MTSS1: variants seen among roughly 807,000 people sequenced by gnomAD.
The protein encoded by MTSS1 is protein MTSS 1.
Under a neutral mutation model 79.0 loss-of-function variants are expected in MTSS1, and 18 were observed. The ratio of observed to expected loss-of-function variants is 0.23; its 90% CI spans 0.16 to 0.34. The LOEUF (loss-of-function observed/expected upper bound fraction) is 0.34, where lower values mean the gene tolerates loss of function less well. Among genes scored for constraint, MTSS1 ranks in the 10% least tolerant of loss-of-function variants. The pLI is 1.00. For missense variants in MTSS1, 815 were observed against 986.2 expected, an observed-to-expected ratio of 0.83 and a Z score of 2.33; for synonymous variants, 341 against 368.6, an observed-to-expected ratio of 0.93 and a Z score of 0.86.
At chr8:124,600,796 C>T (rs1833653641) in intron 3 of MTSS1, among the ~76,000 whole-genome samples, 1 of 152,238 alleles carries the variant, frequency 6.6e-6, no homozygotes, top group South Asian at 2.1e-4. Flanking sequence ...ATTATTCCTT[C>T]TTCCCAAACA....
intron 3 of MTSS1, among the ~76,000 whole-genome samples, chr8:124,625,143 T>C (rs952297864): frequency 6.6e-6 from 1 of 152,152 alleles, no homozygotes; most frequent in Non-Finnish European, 1.5e-5. Context: ...TGCAAATGAT[T>C]GTCATCCTCG....
intron 3 of MTSS1, among the ~76,000 whole-genome samples, chr8:124,662,450 T>C (rs570114036): frequency 6.6e-6 from 1 of 152,252 alleles, no homozygotes; most frequent in East Asian, 1.9e-4. Context: ...GAGGCCTCAG[T>C]CTCTGCCACC....
At chr8:124,554,541 A>G (rs2131710352) in intron 13 of MTSS1, among the ~76,000 whole-genome samples, 1 of 152,338 alleles carries the variant, frequency 6.6e-6, no homozygotes, top group African/African-American at 2.4e-5. Flanking sequence ...GTCAATTATC[A>G]TAGATATATT....
chr8:124,685,132 A>C (rs1461522950), intron 3 of MTSS1, among the ~76,000 whole-genome samples: 1 of 151,770 alleles, frequency 6.6e-6, no homozygotes, highest in African/African-American at 2.4e-5. Context: ...GTATATTCAC[A>C]TTGTTAATGT....
intron 3 of MTSS1, among the ~76,000 whole-genome samples, chr8:124,646,231 C>A (rs1374843680): frequency 1.3e-5 from 2 of 152,126 alleles, no homozygotes; most frequent in South Asian, 2.1e-4. Context: ...GGATTATAAG[C>A]CTTAGTCTTT....
chr8:124,591,201 C>G lies in MTSS1; in HGVS notation c.243G>C (p.Arg81Ser). The change falls in exon 4 of 14, where the codon AGG (arginine) becomes AGC (serine). Residue 81 changes from arginine (R) to serine (S), a missense_variant. Coordinates refer to ENST00000518547, the MANE Select transcript of MTSS1 (RefSeq NM_014751.6). The stretch of plus-strand genomic sequence containing the variant: ...CAATGCTTCTGTGCCTCATGCACAT[C>G]CTGGTGAGAGCAGATCCAATCTCCC... ...GTREIGSALT[R>S]MCMRHRSIEA... is the part of the protein sequence containing the mutation. 6.2e-7 allele frequency: 1 copy of G among 1,614,238 alleles called. No individual in the cohort carries two copies. The highest frequency in any genetic ancestry group is 8.5e-7 in the Non-Finnish European group (1 of 1,180,044).
chr8:124,566,873 T>G (rs186989618), intron 8 of MTSS1, among the ~76,000 whole-genome samples, 198 bp downstream of exon 8: 67 of 152,326 alleles, frequency 4.4e-4, no homozygotes, highest in African/African-American at 1.4e-3. Flanking sequence ...TCAGGCTATG[T>G]AAAGAGCTTG....
chr8:124,638,266 A>T (rs1039529125), intron 3 of MTSS1, among the ~76,000 whole-genome samples: 1 of 152,240 alleles, frequency 6.6e-6, no homozygotes, highest in Non-Finnish European at 1.5e-5. Context: ...CAACTACAAA[A>T]GGCTTAAAGT....
Position 124,553,330 on chromosome 8 carries a change from T to C in MTSS1, c.1930A>G (p.Ser644Gly), listed in dbSNP as rs141689396. 6.2e-6 allele frequency: 10 copies of C among 1,613,764 alleles called. No homozygotes were observed. The highest frequency in any genetic ancestry group is 8.5e-6 in the Non-Finnish European group (10 of 1,179,796). Residue 644 changes from serine (S) to glycine (G), a missense_variant, in exon 14 of 14, where the codon AGC (serine) becomes GGC (glycine). Ser to Gly is a moderately conservative substitution (Grantham distance 56, BLOSUM62 0). Coordinates refer to ENST00000518547, the MANE Select transcript of MTSS1 (RefSeq NM_014751.6). The surrounding 1 kb of genome is among the most constrained non-coding windows in gnomAD (Gnocchi z 6.0). ...PDGPEERGEHSPESPSVGEGP... is the reference protein window; with the variant it reads ...PDGPEERGEHGPESPSVGEGP... ...TCACCCACAGATGGCGACTCAGGGCTGTGCTCCCCCCGCTCTTCTGGCCCA... is the reference window on the plus strand; with the variant it reads ...TCACCCACAGATGGCGACTCAGGGCCGTGCTCCCCCCGCTCTTCTGGCCCA...
rs762025967 is a variant in MTSS1 at position 124,563,013 on chromosome 8, T to C, written c.825-21A>G. 4 of 1,585,048 alleles carry C rather than the reference T, an allele frequency of 2.5e-6. 1 individual carries two copies. The South Asian group carries it at 4.6e-5, about 18-fold the overall frequency. ...GGCTGCTGTGGAGGACAAGCAGGGG[T>C]GAGGGGTGGGCACGGAAGGTAAAGA... is the stretch of plus-strand genomic sequence containing the variant. On this transcript the variant is annotated intron_variant, in intron 9 of 13. Coordinates refer to ENST00000518547, the MANE Select transcript of MTSS1 (RefSeq NM_014751.6).
intron 7 of MTSS1, chr8:124,567,534 G>A: frequency 8.5e-7 from 1 of 1,179,664 alleles, no homozygotes; most frequent in Non-Finnish European, 1.1e-6. Context: ...TTCTGAAGTT[G>A]CTTAGCTTCA....
rs111664710 is a variant in MTSS1 at position 124,580,682 on chromosome 8, A to G, written c.460+4405T>C. 7.4e-4 allele frequency: 904 copies of G among 1,226,026 alleles called. 2 individuals are homozygous for G. In the African/African-American group the frequency reaches 0.012, roughly 16 times the overall value. 75.9% of individuals were successfully genotyped at this position (1,226,026 alleles called of 1,614,324 possible). A position where few individuals can be genotyped will look rare whatever the true frequency, so the allele number is the denominator to read the frequency against. ...CTTACCTTTGTTTCATGTGTTAAAC[A>G]GTCCATGGCTCGCCACCAAATTTTC... is the stretch of plus-strand genomic sequence containing the variant. On this transcript the variant is annotated intron_variant, in intron 6 of 13. Transcript: ENST00000518547.
chr8:124,709,379 A>G (rs1413148311), intron 1 of MTSS1, among the ~76,000 whole-genome samples: 1 of 152,092 alleles, frequency 6.6e-6, no homozygotes. Context: ...CAGAGCCGTG[A>G]AAACAATTCA....
rs58184774 is a variant in MTSS1 at position 124,653,609 on chromosome 8, A to C, written c.208+45917T>G. Among the ~76,000 whole-genome samples the C allele has an allele frequency of 6.7e-3, 1,018 of 152,364 alleles. 12 individuals are homozygous for C. The highest frequency in any genetic ancestry group is 0.023 in the African/African-American group (965 of 41,580). On this transcript the variant is annotated intron_variant, in intron 3 of 13. Coordinates refer to ENST00000518547, the MANE Select transcript of MTSS1 (RefSeq NM_014751.6). ...CATGGTGGCATGTGTCTGTAATCCC[A>C]GCTACTTGGGAGGCTGAGGCAGGAG...
intron 3 of MTSS1, among the ~76,000 whole-genome samples, chr8:124,645,742 A>T (rs1186703156): frequency 1.3e-5 from 2 of 152,216 alleles, no homozygotes. Flanking sequence ...TCCAGAAAGC[A>T]AAAAGGATCA....
At chr8:124,629,093 A>G (rs984017023) in intron 3 of MTSS1, among the ~76,000 whole-genome samples, 23 of 152,350 alleles carry the variant, frequency 1.5e-4, no homozygotes, top group African/African-American at 5.1e-4. Context: ...ACATTCATTC[A>G]TTCATTCATC....
intron 1 of MTSS1, among the ~76,000 whole-genome samples, chr8:124,715,698 G>A (rs910208519): frequency 4.0e-5 from 6 of 151,730 alleles, no homozygotes; most frequent in Non-Finnish European, 7.4e-5. Flanking sequence ...TTTTTTTTAA[G>A]TGTCTTTCCA....
intron 3 of MTSS1, among the ~76,000 whole-genome samples, chr8:124,693,956 T>C (rs551659984): frequency 1.2e-4 from 18 of 152,084 alleles, no homozygotes; most frequent in Non-Finnish European, 1.9e-4. Flanking sequence ...GGTGGGAAAA[T>C]GGAAGCCCAG....
intron 1 of MTSS1, among the ~76,000 whole-genome samples, chr8:124,709,543 G>A (rs1338188299): frequency 6.6e-6 from 1 of 152,226 alleles, no homozygotes; most frequent in African/African-American, 2.4e-5. Flanking sequence ...ACCTCCTCCA[G>A]GAGCCCCCTG....
Sources: gnomAD v4.1 joint callset for allele counts (sites outside exome capture counted in the v4.1 genomes callset) on GRCh38, gnomAD v4.1.1 for gene constraint, Gnocchi (gnomAD v3.1) non-coding constraint, MANE v1.5 for transcripts, NCBI Gene and HGNC (gene_info 2026-07-23, HGNC 2026-07-21) for gene names.